The following PCDHA4 variants were observed in gnomAD, a reference collection of about 807,000 sequenced individuals.
PCDHA4 encodes the protein protocadherin alpha 4.
Under a neutral mutation model 61.4 loss-of-function variants are expected in PCDHA4, and 49 were observed. The ratio of observed to expected loss-of-function variants is 0.80; its 90% CI spans 0.63 to 1.01. The LOEUF (loss-of-function observed/expected upper bound fraction) is 1.01, where lower values mean the gene tolerates loss of function less well. Ranked by LOEUF, PCDHA4 falls within the 50% of genes least tolerant of loss-of-function variation. The pLI is 0.00. For synonymous variants in PCDHA4, 590 were observed against 550.3 expected, an observed-to-expected ratio of 1.07 and a Z score of -1.01; for missense variants, 1,254 against 1,235.8, an observed-to-expected ratio of 1.01 and a Z score of -0.22.
Position 140,849,058 on chromosome 5 carries a change from A to G in PCDHA4, c.2385+39486A>G, listed in dbSNP as rs2150429611. 41 of 1,550,890 alleles carry G rather than the reference A, an allele frequency of 2.6e-5. 1 individual carries two copies. Among genetic ancestry groups the G allele is most frequent in the Non-Finnish European group, 3.6e-5 (41 of 1,140,546 alleles). On this transcript the variant is annotated intron_variant, in intron 1 of 3. Coordinates refer to ENST00000530339, the MANE Select transcript of PCDHA4 (RefSeq NM_018907.4). ...CTGGACGTGCCAACCAGCAACCAGCAGGTAAAACCTCTTGGACTTGTATTA... is the reference window on the plus strand; with the variant it reads ...CTGGACGTGCCAACCAGCAACCAGCGGGTAAAACCTCTTGGACTTGTATTA...
intron 1 of PCDHA4, chr5:140,859,530 T>G (rs535138857): frequency 5.6e-4 from 108 of 191,500 alleles, no homozygotes; most frequent in Non-Finnish European, 9.8e-4. Context: ...TAAAAAAAAT[T>G]TATTAATTCT....
intron 1 of PCDHA4, chr5:140,823,283 T>C: frequency 6.2e-7 from 1 of 1,612,304 alleles, no homozygotes; most frequent in Middle Eastern, 2.0e-4. Flanking sequence ...GAGCGCCCGC[T>C]GTCGAGTTAC....
intron 3 of PCDHA4, among the ~76,000 whole-genome samples, chr5:140,994,698 C>G (rs1238723224): frequency 6.6e-6 from 1 of 151,898 alleles, no homozygotes; most frequent in Non-Finnish European, 1.5e-5. Context: ...GAATGAGACC[C>G]TGTCTCAAAA....
chr5:140,873,418 A>C (rs2054276774), intron 1 of PCDHA4, among the ~76,000 whole-genome samples: 1 of 152,174 alleles, frequency 6.6e-6, no homozygotes. Flanking sequence ...AATTTTGTAA[A>C]TTATTATTTT....
chr5:140,995,543 G>A (rs1243799532), intron 3 of PCDHA4, among the ~76,000 whole-genome samples: 1 of 152,144 alleles, frequency 6.6e-6, no homozygotes, highest in Non-Finnish European at 1.5e-5. Context: ...AATAAGGGGC[G>A]ATCACTGTAC....
chr5:140,858,550 C>T, intron 1 of PCDHA4: 1 of 1,392,416 alleles, frequency 7.2e-7, no homozygotes. Context: ...TCCATTTATG[C>T]TTGAATATTT....
intron 1 of PCDHA4, among the ~76,000 whole-genome samples, chr5:140,911,000 C>T (rs139648608): frequency 1.9e-3 from 291 of 152,218 alleles, no homozygotes; most frequent in African/African-American, 6.7e-3. Context: ...ACCCCTAGGG[C>T]CCTCCTGGGA....
intron 1 of PCDHA4, among the ~76,000 whole-genome samples, chr5:140,943,465 GA>G (rs1412044069): frequency 6.6e-6 from 1 of 152,022 alleles, no homozygotes. Flanking sequence ...CTAAATGTGG[GA>G]GATACAGTAA....
chr5:140,945,597 A>G (rs374286655), intron 1 of PCDHA4, among the ~76,000 whole-genome samples: 11 of 152,170 alleles, frequency 7.2e-5, no homozygotes, highest in Non-Finnish European at 1.2e-4. Context: ...CTTCAAAGCT[A>G]TAATAATCAA....
At chr5:140,819,668 T>G (rs1385030573) in intron 1 of PCDHA4, among the ~76,000 whole-genome samples, 1 of 152,088 alleles carries the variant, frequency 6.6e-6, no homozygotes, top group Non-Finnish European at 1.5e-5. Flanking sequence ...AAATAAGAGT[T>G]GATCACTGTA....
Position 140,967,464 on chromosome 5 carries a change from G to A in PCDHA4, c.2386-11485G>A, listed in dbSNP as rs781900904. The A allele has an allele frequency of 1.9e-6, 3 of 1,613,386 alleles. No individual in the cohort carries two copies. In the East Asian group the frequency reaches 6.7e-5, roughly 36 times the overall value. ...CTGGTTCTCACAGCCGTGGATGGGG[G>A]CATCCCAGCCCGCTCGGGTACGGCA... On this transcript the variant is annotated intron_variant, in intron 1 of 3. Coordinates refer to ENST00000530339, the MANE Select transcript of PCDHA4 (RefSeq NM_018907.4).
chr5:140,907,782 G>A (rs1285928394), intron 1 of PCDHA4, among the ~76,000 whole-genome samples: 1 of 152,158 alleles, frequency 6.6e-6, no homozygotes, highest in African/African-American at 2.4e-5. Flanking sequence ...AGGGGTGGCT[G>A]GGGAAAGAGG....
rs144129472 is a variant in PCDHA4, at chr5:140,829,658, C to T, written c.2385+20086C>T. ...CGGCAAGGTGTACGCGCTGCAGCCG[C>T]TGGACCACGAGGAGCTAGAGCTGCT... On this transcript the variant is annotated intron_variant, in intron 1 of 3. Transcript: ENST00000530339. 146 of 1,612,562 alleles carry T rather than the reference C, an allele frequency of 9.1e-5. 1 individual carries two copies. The African/African-American group carries it at 1.1e-3, about 12-fold the overall frequency.
chr5:140,811,798 CT>C (rs1764962036), intron 1 of PCDHA4: 1 of 152,164 alleles, frequency 6.6e-6, no homozygotes, highest in African/African-American at 2.4e-5. Flanking sequence ...TAAATGTCTT[CT>C]TTTGAGAAGT....
chr5:140,883,865 T>C, intron 1 of PCDHA4: 2 of 1,613,076 alleles, frequency 1.2e-6, no homozygotes, highest in East Asian at 2.2e-5. Flanking sequence ...GCTGTTGCAG[T>C]TCCAGGTGAG....
At chr5:141,001,314 T>A (rs34374778) in intron 3 of PCDHA4, among the ~76,000 whole-genome samples, 7,675 of 152,288 alleles carry the variant, frequency 0.05, 243 homozygotes, top group South Asian at 0.11. Flanking sequence ...TGAAATAATT[T>A]GCCAAACATC....
intron 1 of PCDHA4, among the ~76,000 whole-genome samples, chr5:140,977,031 G>A (rs1554238180): frequency 6.6e-6 from 1 of 152,192 alleles, no homozygotes; most frequent in Admixed American, 6.5e-5. Context: ...ATGAATCTAA[G>A]AAGGATGTTG....
intron 1 of PCDHA4, chr5:140,849,501 C>T (rs251354): frequency 6.4e-7 from 1 of 1,571,602 alleles, no homozygotes; most frequent in African/African-American, 1.4e-5. Flanking sequence ...TCATTGTACA[C>T]TTCTTGTGGA....
intron 3 of PCDHA4, 51 bp downstream of exon 3, chr5:140,982,614 G>T (rs1283279622): frequency 6.3e-7 from 1 of 1,596,658 alleles, no homozygotes; most frequent in Non-Finnish European, 8.5e-7. Flanking sequence ...AAAGTGATCA[G>T]ATGACCTACT....
Sources: gnomAD v4.1 joint callset for allele counts (sites outside exome capture counted in the v4.1 genomes callset) on GRCh38, gnomAD v4.1.1 for gene constraint, MANE v1.5 for transcripts, NCBI Gene and HGNC (gene_info 2026-07-23, HGNC 2026-07-21) for gene names.